Variants in PLEKHA8 observed in about 807,000 individuals in gnomAD.
PLEKHA8 encodes pleckstrin homology domain-containing family A member 8.
A neutral mutation model predicts 68.2 loss-of-function variants in PLEKHA8; 36 were observed. That is an observed-to-expected ratio of 0.53 (90% CI 0.40 to 0.70). The LOEUF is 0.70. PLEKHA8 is among the 30% of genes least tolerant of loss of function. The probability of loss-of-function intolerance (pLI) is 0.00; values close to 1 mark genes in which losing one functional copy is unlikely to be tolerated. For synonymous variants in PLEKHA8, 211 were observed against 216.1 expected (o/e 0.98, Z 0.20); for missense variants, 505 against 615.4 (o/e 0.82, Z 1.90).
chr7:30,086,970 T>C (rs1159362541), downstream of PLEKHA8, among the ~76,000 whole-genome samples: 1 of 152,186 alleles, frequency 6.6e-6, no homozygotes, highest in Non-Finnish European at 1.5e-5. Context: ...TGATGAACGA[T>C]GATGGTCTGA....
intron 13 of PLEKHA8, among the ~76,000 whole-genome samples, chr7:30,101,851 T>C (rs927636320): frequency 5.3e-5 from 8 of 152,162 alleles, no homozygotes; most frequent in Non-Finnish European, 1.0e-4. Flanking sequence ...GATCTCAAGG[T>C]TCAGTGCAAT....
intron 13 of PLEKHA8, among the ~76,000 whole-genome samples, chr7:30,106,962 A>G (rs1796083597): frequency 6.6e-6 from 1 of 152,208 alleles, no homozygotes; most frequent in Non-Finnish European, 1.5e-5. Context: ...CCCCACAGAT[A>G]CCAGGGTTTG....
At chr7:30,057,256 T>C (rs1194740641) in intron 9 of PLEKHA8, among the ~76,000 whole-genome samples, 1 of 152,178 alleles carries the variant, frequency 6.6e-6, no homozygotes, top group Non-Finnish European at 1.5e-5. Flanking sequence ...GTTCTGCCTA[T>C]TCTAAAACTT....
chr7:30,112,376 A>G (rs1364408412), intron 13 of PLEKHA8, among the ~76,000 whole-genome samples: 1 of 151,278 alleles, frequency 6.6e-6, no homozygotes, highest in Non-Finnish European at 1.5e-5. Flanking sequence ...CAAAAAGATA[A>G]CTCCTTAAAA....
intron 13 of PLEKHA8, among the ~76,000 whole-genome samples, chr7:30,100,267 G>C (rs959766632): frequency 3.9e-5 from 6 of 152,104 alleles, no homozygotes; most frequent in African/African-American, 1.2e-4. Context: ...TATATCTTTT[G>C]GGACTAGGCA....
intron 13 of PLEKHA8, among the ~76,000 whole-genome samples, chr7:30,098,325 C>G (rs1795712207): frequency 6.6e-6 from 1 of 152,230 alleles, no homozygotes; most frequent in Admixed American, 6.5e-5. Context: ...CAGCTGCGTG[C>G]TGGGAGAACC....
intron 4 of PLEKHA8, among the ~76,000 whole-genome samples, 173 bp downstream of exon 4, chr7:30,048,129 C>T (rs561024962): frequency 7.0e-4 from 107 of 152,044 alleles, no homozygotes; most frequent in African/African-American, 2.5e-3. Flanking sequence ...TTTTGACTAT[C>T]TTGGAATTTA....
chr7:30,082,136 G>T lies in PLEKHA8; in HGVS notation c.*3349G>T. The T allele has an allele frequency of 1.0e-6, 1 of 985,368 alleles. No individual in the cohort carries two copies. The highest frequency in any genetic ancestry group is 1.2e-6 in the Non-Finnish European group (1 of 829,918). 61.0% of individuals were successfully genotyped at this position (985,368 alleles called of 1,614,324 possible). A position where few individuals can be genotyped will look rare whatever the true frequency, so the allele number is the denominator to read the frequency against. On this transcript the variant is annotated 3_prime_UTR_variant, in exon 14 of 14. Coordinates refer to ENST00000449726, the MANE Select transcript of PLEKHA8 (RefSeq NM_001197026.2). ...GACTTCGAAGGGTAGTTCTCATTAG[G>T]ATGTATAAGTAGTGGCTTGAGGCAC...
intron 13 of PLEKHA8, among the ~76,000 whole-genome samples, chr7:30,106,396 G>A (rs997734703): frequency 1.3e-5 from 2 of 152,086 alleles, no homozygotes; most frequent in Non-Finnish European, 2.9e-5. Flanking sequence ...TGGAAGTTGT[G>A]TATGGGATGT....
At chr7:30,060,052 G>A (rs543745047) in intron 9 of PLEKHA8, among the ~76,000 whole-genome samples, 3 of 152,126 alleles carry the variant, frequency 2.0e-5, no homozygotes, top group African/African-American at 4.8e-5. Flanking sequence ...CAGGAGAATC[G>A]CTTGAACCAG....
rs183396612 is a variant in PLEKHA8 at position 30,125,602 on chromosome 7, A to T, written c.1363-3664A>T. 9.6e-4 allele frequency among the ~76,000 whole-genome samples: 146 copies of T among 152,312 alleles called. 1 individual carries two copies. The highest frequency in any genetic ancestry group is 3.4e-3 in the African/African-American group (142 of 41,580). ...AATGCTTTGCCTGATGATATTAGAC[A>T]ACAGTGTAGTGTTCTCAATCCTAAT... On this transcript the variant is annotated intron_variant, in intron 13 of 13. Transcript: ENST00000396257.
At chr7:30,119,409 C>G (rs1206593708) in intron 13 of PLEKHA8, among the ~76,000 whole-genome samples, 2 of 152,170 alleles carry the variant, frequency 1.3e-5, no homozygotes, top group Non-Finnish European at 2.9e-5. Context: ...CCAGACAGAA[C>G]CTGTGCTGCA....
chr7:30,036,843 T>C (rs1791138613), intron 1 of PLEKHA8, among the ~76,000 whole-genome samples: 1 of 152,228 alleles, frequency 6.6e-6, no homozygotes, highest in South Asian at 2.1e-4. Context: ...TAATTAATGG[T>C]AAATTAAGAA....
At chr7:30,062,894 C>G (rs1229832655) in intron 12 of PLEKHA8, 152 bp downstream of exon 12, 2 of 602,290 alleles carry the variant, frequency 3.3e-6, no homozygotes, top group Admixed American at 3.5e-5. Flanking sequence ...TTCTTATATG[C>G]TTTGTTTAAA....
chr7:30,030,246 ATTC>A (rs1054647120), intron 1 of PLEKHA8, among the ~76,000 whole-genome samples: 2 of 151,838 alleles, frequency 1.3e-5, no homozygotes, highest in African/African-American at 4.8e-5. Flanking sequence ...CATCTTCAAC[ATTC>A]TTCTTTTTTT....
Position 30,050,619 on chromosome 7 carries a change from C to CTT in PLEKHA8, c.638+148_638+149dup. 3 of 1,133,496 alleles carry CTT rather than the reference C, an allele frequency of 2.6e-6. 1 individual carries two copies. In the South Asian group the frequency reaches 5.3e-5, roughly 20 times the overall value. The allele number at this position is 1,133,496 out of a possible 1,614,324, so 70.2% of individuals were successfully genotyped here. A position where few individuals can be genotyped will look rare whatever the true frequency, so the allele number is the denominator to read the frequency against. On this transcript the variant is annotated intron_variant, in intron 6 of 13. Coordinates refer to ENST00000449726, the MANE Select transcript of PLEKHA8 (RefSeq NM_001197026.2). Reference sequence around the variant, plus strand: ...GAAGTAAACAATATCTGACTTTCCTCTTTTGAGTGAGCCTGAATCAACCCA... The same window carrying CTT: ...GAAGTAAACAATATCTGACTTTCCTCTTTTTTGAGTGAGCCTGAATCAACCCA...
Position 30,061,985 on chromosome 7 carries a change from A to C in PLEKHA8, c.1187A>C (p.Gln396Pro). The change falls in exon 11 of 14, where the codon CAG (glutamine) becomes CCG (proline). Residue 396 changes from glutamine to proline, a missense_variant. Transcript: ENST00000449726. Reference sequence around the variant, plus strand: ...CACGAAGTGGAGGCGGATGTAGCCCAGGTTAGGAACTCAGCGACTGAAGCC... The same window carrying C: ...CACGAAGTGGAGGCGGATGTAGCCCCGGTTAGGAACTCAGCGACTGAAGCC... ...VLHEVEADVA[Q>P]VRNSATEALL... The C allele has an allele frequency of 6.2e-7, 1 of 1,614,030 alleles. No homozygotes were observed. Among genetic ancestry groups the C allele is most frequent in the Non-Finnish European group, 8.5e-7 (1 of 1,179,952 alleles).
chr7:30,058,900 G>A (rs937989672), intron 9 of PLEKHA8, among the ~76,000 whole-genome samples: 4 of 152,260 alleles, frequency 2.6e-5, no homozygotes, highest in African/African-American at 9.6e-5. Flanking sequence ...GCCAAGGCAG[G>A]AGGATCGCTT....
At chr7:30,117,808 T>C (rs1796614343) in intron 13 of PLEKHA8, among the ~76,000 whole-genome samples, 1 of 152,116 alleles carries the variant, frequency 6.6e-6, no homozygotes, top group African/African-American at 2.4e-5. Context: ...GTGTGCACAC[T>C]AAAAAAATGA....
Sources: allele counts gnomAD v4.1 joint callset (sites outside exome capture counted in the v4.1 genomes callset), GRCh38; gene constraint gnomAD v4.1.1; transcripts MANE v1.5; gene names NCBI Gene and HGNC (gene_info 2026-07-23, HGNC 2026-07-21).